The following RAB33A variants were observed in gnomAD, a reference collection of about 807,000 sequenced individuals.
RAB33A encodes ras-related protein Rab-33A.
RAB33A carries 6 observed loss-of-function variants against 12.0 expected under a neutral mutation model. The ratio of observed to expected loss-of-function variants is 0.50; its 90% CI spans 0.27 to 0.99. The LOEUF (loss-of-function observed/expected upper bound fraction) is 0.99, where lower values mean the gene tolerates loss of function less well. RAB33A is among the 50% of genes least tolerant of loss of function. The probability of loss-of-function intolerance (pLI) is 0.11; values close to 1 mark genes in which losing one functional copy is unlikely to be tolerated. For synonymous variants in RAB33A, 70 were observed against 82.4 expected (o/e 0.85, Z 0.81); for missense variants, 109 against 192.0 (o/e 0.57, Z 2.55).
At chrX:130,135,439 T>TTA in the RAB33A span, among the ~76,000 whole-genome samples, 23,608 of 73,757 alleles carry the variant, frequency 0.32, 4,623 homozygotes, top group African/African-American at 0.63. Context: ...TTTTTTTTTT[T>TTA]AAAAAAAAAA....
the RAB33A span, chrX:130,156,632 A>G: frequency 8.3e-7 from 1 of 1,199,493 alleles, no homozygotes; most frequent in Non-Finnish European, 1.1e-6. Flanking sequence ...TAAGACACAC[A>G]CATACAAAAA....
At chrX:130,156,633 C>T in the RAB33A span, 3 of 1,197,590 alleles carry the variant, frequency 2.5e-6, no homozygotes, top group Non-Finnish European at 3.4e-6. Flanking sequence ...AAGACACACA[C>T]ATACAAAAAT....
Position 130,172,292 on chromosome X carries a change from C to T in RAB33A, c.230C>T (p.Thr77Ile). 2 of 1,208,987 alleles carry T rather than the reference C, an allele frequency of 1.7e-6. No individual in the cohort carries two copies. Among genetic ancestry groups the T allele is most frequent in the Non-Finnish European group, 1.1e-6 (1 of 893,813 alleles). ...ATCGGCGTGGACTTCAGGGAGAAGA[C>T]CGTGGAAATCGAGGGCGAGAAGATC... ...ATIGVDFREK[T>I]VEIEGEKIKV... The change falls in exon 1 of 2, where the codon ACC (threonine) becomes ATC (isoleucine). Residue 77 changes from threonine (T) to isoleucine (I), a missense_variant. Coordinates refer to ENST00000257017, the MANE Select transcript of RAB33A (RefSeq NM_004794.3).
chrX:130,136,537 A>G, the RAB33A span: 3 of 726,144 alleles, frequency 4.1e-6, no homozygotes, highest in Non-Finnish European at 6.5e-6. Flanking sequence ...GTTAATGGCA[A>G]CTGCCAGGAA....
chrX:130,123,068 T>A, the RAB33A span, among the ~76,000 whole-genome samples: 1 of 111,499 alleles, frequency 9.0e-6, no homozygotes, highest in Admixed American at 9.5e-5. Context: ...TGCCAAGGGC[T>A]TTGGGTTCCA....
At chrX:130,133,220 T>C in the RAB33A span, 1 of 1,110,756 alleles carries the variant, frequency 9.0e-7, no homozygotes, top group East Asian at 3.0e-5. Flanking sequence ...TGAAGCTAAC[T>C]GGCTCATAAT....
the RAB33A span, among the ~76,000 whole-genome samples, chrX:130,151,912 G>A: frequency 2.7e-5 from 3 of 110,008 alleles, no homozygotes; most frequent in East Asian, 5.7e-4. Flanking sequence ...GGTGGGGCAC[G>A]CCTGTAATCC....
chrX:130,138,534 TCA>T, the RAB33A span: 6 of 808,458 alleles, frequency 7.4e-6, no homozygotes, highest in Non-Finnish European at 1.1e-5. Context: ...TCTCTGGGAT[TCA>T]CAGAAAAGCT....
At chrX:130,131,853 A>G in the RAB33A span, 2 of 1,190,431 alleles carry the variant, frequency 1.7e-6, no homozygotes, top group East Asian at 3.0e-5. Context: ...ATGACACGGT[A>G]GCACATATTC....
chrX:130,141,632 A>G, the RAB33A span, among the ~76,000 whole-genome samples: 1 of 111,340 alleles, frequency 9.0e-6, no homozygotes, highest in Non-Finnish European at 1.9e-5. Context: ...TGCTGCTTCC[A>G]GATTCTTGTA....
chrX:130,168,505 C>T (rs2031569974), upstream of RAB33A, among the ~76,000 whole-genome samples: 1 of 111,320 alleles, frequency 9.0e-6, no homozygotes, highest in Non-Finnish European at 1.9e-5. Context: ...TGAGCCACCT[C>T]GCCCGGCCTA....
the RAB33A span, chrX:130,166,034 C>T: frequency 3.9e-6 from 1 of 258,766 alleles, no homozygotes; most frequent in East Asian, 8.9e-5. Flanking sequence ...AGGAGGGACT[C>T]GTGGGGCCGC....
At chrX:130,165,747 A>AGTC in the RAB33A span, 3 of 757,193 alleles carry the variant, frequency 4.0e-6, no homozygotes, top group Non-Finnish European at 6.0e-6. Flanking sequence ...CAGCTCCCCC[A>AGTC]GTCTCTTCAC....
chrX:130,134,248 G>GA, the RAB33A span, among the ~76,000 whole-genome samples: 4 of 106,998 alleles, frequency 3.7e-5, no homozygotes, highest in Non-Finnish European at 5.8e-5. Context: ...AAAAAAAAAA[G>GA]AAAAAAAAAT....
the RAB33A span, among the ~76,000 whole-genome samples, chrX:130,163,999 CAAAAAAA>C: frequency 1.2e-4 from 9 of 74,572 alleles, no homozygotes; most frequent in Non-Finnish European, 2.1e-4. Context: ...ACTAAAAATA[CAAAAAAA>C]AAAAAAAAAA....
chrX:130,110,797 G>C, the RAB33A span: 1 of 106,332 alleles, frequency 9.4e-6, no homozygotes, highest in Admixed American at 9.9e-5. Context: ...CGCCGGGGAG[G>C]GCCGGGCCAA....
intron 1 of RAB33A, among the ~76,000 whole-genome samples, chrX:130,172,535 G>A (rs1344376683): frequency 8.9e-6 from 1 of 112,000 alleles, no homozygotes; most frequent in Non-Finnish European, 1.9e-5. Flanking sequence ...TGAGAATGGG[G>A]TTGCATTCTT....
the RAB33A span, among the ~76,000 whole-genome samples, chrX:130,130,319 T>C: frequency 8.9e-6 from 1 of 112,106 alleles, no homozygotes; most frequent in Non-Finnish European, 1.9e-5. Flanking sequence ...CAGTAAACCC[T>C]GGCCTTCACC....
chrX:130,151,374 T>A, the RAB33A span, among the ~76,000 whole-genome samples: 1 of 110,889 alleles, frequency 9.0e-6, no homozygotes, highest in African/African-American at 3.3e-5. Flanking sequence ...CTCCTGACCT[T>A]GTGATCCACC....
Sources: allele counts gnomAD v4.1 joint callset (sites outside exome capture counted in the v4.1 genomes callset), GRCh38; gene constraint gnomAD v4.1.1; transcripts MANE v1.5; gene names NCBI Gene and HGNC (gene_info 2026-07-23, HGNC 2026-07-21).